The following KCNAB1 variants were observed in gnomAD, a reference collection of about 807,000 sequenced individuals.
The protein encoded by KCNAB1 is voltage-gated potassium channel subunit beta-1.
KCNAB1 carries 35 observed loss-of-function variants against 64.6 expected under a neutral mutation model. The ratio of observed to expected loss-of-function variants is 0.54; its 90% CI spans 0.41 to 0.72. The LOEUF (loss-of-function observed/expected upper bound fraction) is 0.72, where lower values mean the gene tolerates loss of function less well. Among genes scored for constraint, KCNAB1 ranks in the 30% least tolerant of loss-of-function variants. The pLI, the probability that KCNAB1 is intolerant of heterozygous loss-of-function variation, is 0.00. For synonymous variants in KCNAB1, 177 were observed against 183.8 expected (o/e 0.96, Z 0.30); for missense variants, 401 against 512.9 (o/e 0.78, Z 2.11).
chr3:156,236,053 C>T (rs1407295090), intron 1 of KCNAB1, among the ~76,000 whole-genome samples: 1 of 152,158 alleles, frequency 6.6e-6, no homozygotes, highest in African/African-American at 2.4e-5. Flanking sequence ...AAATCAGACT[C>T]TGGTGTGGCC....
At chr3:156,352,764 C>A (rs145283525) in intron 1 of KCNAB1, among the ~76,000 whole-genome samples, 3 of 152,222 alleles carry the variant, frequency 2.0e-5, no homozygotes, top group Non-Finnish European at 4.4e-5. Flanking sequence ...AAGGAAAGGA[C>A]CCCCAACCAC....
At chr3:156,263,070 A>G (rs1273674250) in intron 1 of KCNAB1, among the ~76,000 whole-genome samples, 2 of 151,878 alleles carry the variant, frequency 1.3e-5, no homozygotes, top group Non-Finnish European at 2.9e-5. Flanking sequence ...TGTGTTGGTA[A>G]TTCATAAAAC....
At chr3:156,439,924 C>A (rs1306537483) in intron 2 of KCNAB1, among the ~76,000 whole-genome samples, 1 of 152,160 alleles carries the variant, frequency 6.6e-6, no homozygotes, top group Non-Finnish European at 1.5e-5. Context: ...TGGTGAGTAC[C>A]CAGACCACAA....
At chr3:156,433,935 A>G (rs935568588) in intron 2 of KCNAB1, among the ~76,000 whole-genome samples, 1 of 152,068 alleles carries the variant, frequency 6.6e-6, no homozygotes, top group African/African-American at 2.4e-5. Flanking sequence ...GGAAAAAGAG[A>G]CCATTACTAT....
intron 1 of KCNAB1, among the ~76,000 whole-genome samples, chr3:156,326,262 C>G (rs1011516579): frequency 6.6e-6 from 1 of 152,124 alleles, no homozygotes; most frequent in Non-Finnish European, 1.5e-5. Context: ...AAACTGCTGC[C>G]CTACCTCCTA....
chr3:156,413,184 G>A (rs1002596682), intron 1 of KCNAB1, among the ~76,000 whole-genome samples: 1 of 152,142 alleles, frequency 6.6e-6, no homozygotes, highest in Non-Finnish European at 1.5e-5. Flanking sequence ...GGTCTGAGTG[G>A]GGATAGAAGG....
At chr3:156,370,060 C>T (rs1375605282) in intron 1 of KCNAB1, among the ~76,000 whole-genome samples, 2 of 152,114 alleles carry the variant, frequency 1.3e-5, no homozygotes, top group Non-Finnish European at 2.9e-5. Flanking sequence ...CACTTTCCAC[C>T]CTCTGGACAG....
At chr3:156,179,303 A>T (rs1242381663) in intron 1 of KCNAB1, among the ~76,000 whole-genome samples, 1 of 152,058 alleles carries the variant, frequency 6.6e-6, no homozygotes, top group African/African-American at 2.4e-5. Flanking sequence ...CTTCTGAAAA[A>T]TATTATAGTC....
At chr3:156,411,263 C>T (rs528964367) in intron 1 of KCNAB1, among the ~76,000 whole-genome samples, 7 of 151,958 alleles carry the variant, frequency 4.6e-5, no homozygotes, top group Admixed American at 3.3e-4. Flanking sequence ...TTCAGTACTT[C>T]GGCTATTTTT....
chr3:156,396,176 C>T (rs574174330), intron 1 of KCNAB1, among the ~76,000 whole-genome samples: 12 of 152,116 alleles, frequency 7.9e-5, no homozygotes, highest in African/African-American at 2.9e-4. Flanking sequence ...CTGAGGTCAC[C>T]TTTGATCATC....
chr3:156,292,832 C>T (rs778131101), intron 1 of KCNAB1, among the ~76,000 whole-genome samples: 4 of 152,176 alleles, frequency 2.6e-5, no homozygotes, highest in East Asian at 1.9e-4. Flanking sequence ...AGTAAACCAC[C>T]GCGCCTGGCC....
At chr3:156,180,067 A>G (rs1712704183) in intron 1 of KCNAB1, among the ~76,000 whole-genome samples, 1 of 152,166 alleles carries the variant, frequency 6.6e-6, no homozygotes, top group Non-Finnish European at 1.5e-5. Context: ...TCCTCCTTCT[A>G]TAATTGAAGA....
intron 1 of KCNAB1, among the ~76,000 whole-genome samples, chr3:156,295,668 G>A (rs943650294): frequency 6.6e-6 from 1 of 152,122 alleles, no homozygotes; most frequent in Non-Finnish European, 1.5e-5. Context: ...TTTATACTGA[G>A]GACTATCCTG....
At chr3:156,393,541 G>C (rs1222594653) in intron 1 of KCNAB1, among the ~76,000 whole-genome samples, 1 of 152,074 alleles carries the variant, frequency 6.6e-6, no homozygotes, top group Non-Finnish European at 1.5e-5. Flanking sequence ...TTCTTATAAT[G>C]ATTATATCAA....
At chr3:156,232,950 GTGGATTATGATACCT>G (rs1352006229) in intron 1 of KCNAB1, among the ~76,000 whole-genome samples, 1 of 152,090 alleles carries the variant, frequency 6.6e-6, no homozygotes, top group Admixed American at 6.5e-5. Flanking sequence ...AAGAGGCCGT[GTGGATTATGATACCT>G]TGGATTATTA....
intron 11 of KCNAB1, among the ~76,000 whole-genome samples, chr3:156,517,485 T>C (rs904061027): frequency 6.6e-6 from 1 of 152,222 alleles, no homozygotes; most frequent in African/African-American, 2.4e-5. Context: ...AATTAAAGAT[T>C]GTTCTGAAAC....
At chr3:156,501,422 CTTTTTTTT>C (rs34628325) in intron 8 of KCNAB1, among the ~76,000 whole-genome samples, 7 of 82,524 alleles carry the variant, frequency 8.5e-5, no homozygotes, top group African/African-American at 3.2e-4. Context: ...GACTTAGTAC[CTTTTTTTT>C]TTTTTTTTTT....
chr3:156,483,351 T>G (rs1348273312), intron 8 of KCNAB1, among the ~76,000 whole-genome samples: 2 of 152,094 alleles, frequency 1.3e-5, no homozygotes, highest in Non-Finnish European at 2.9e-5. Flanking sequence ...GGGTCACCAA[T>G]GGGTGGCTGA....
Position 156,261,412 on chromosome 3 carries a change from T to C in KCNAB1, c.275+140526T>C, listed in dbSNP as rs546344067. On this transcript the variant is annotated intron_variant, in intron 1 of 13. Transcript: ENST00000490337. Reference sequence around the variant, plus strand: ...GTGATCCATTTTGAGTTTATTTTTGTGTGCAGTTTGAGGGAAGGGCCTAAG... The same window carrying C: ...GTGATCCATTTTGAGTTTATTTTTGCGTGCAGTTTGAGGGAAGGGCCTAAG... 2.3e-3 allele frequency among the ~76,000 whole-genome samples: 356 copies of C among 152,124 alleles called. 3 individuals are homozygous for C. The highest frequency in any genetic ancestry group is 8.1e-3 in the African/African-American group (337 of 41,560).
Sources: gnomAD v4.1 joint callset for allele counts (sites outside exome capture counted in the v4.1 genomes callset) on GRCh38, gnomAD v4.1.1 for gene constraint, MANE v1.5 for transcripts, NCBI Gene and HGNC (gene_info 2026-07-23, HGNC 2026-07-21) for gene names.